GRIN2C: variants seen among roughly 807,000 people sequenced by gnomAD.
GRIN2C encodes the protein glutamate receptor ionotropic, NMDA 2C.
GRIN2C carries 64 observed loss-of-function variants against 77.7 expected under a neutral mutation model. The ratio of observed to expected loss-of-function variants is 0.82; its 90% CI spans 0.67 to 1.01. The LOEUF (loss-of-function observed/expected upper bound fraction) is 1.01, where lower values mean the gene tolerates loss of function less well. Among genes scored for constraint, GRIN2C ranks in the 50% least tolerant of loss-of-function variants. The pLI, the probability that GRIN2C is intolerant of heterozygous loss-of-function variation, is 0.00. For missense variants in GRIN2C, 1,549 were observed against 1,486.0 expected (o/e 1.04, Z -0.70); for synonymous variants, 792 against 643.4 (o/e 1.23, Z -3.49).
intron 1 of GRIN2C, among the ~76,000 whole-genome samples, chr17:74,856,489 T>C (rs2037823956): frequency 6.6e-6 from 1 of 150,528 alleles, no homozygotes; most frequent in South Asian, 2.1e-4. Context: ...CTCTTTTTTT[T>C]TTTTTTTGAG....
chr17:74,844,049 T>C (rs1448963281), intron 12 of GRIN2C: 5 of 852,362 alleles, frequency 5.9e-6, no homozygotes, highest in Non-Finnish European at 8.7e-6. Context: ...AATTCTTTTA[T>C]TTTCTGTAGA....
rs1440147980 is a variant in GRIN2C, at chr17:74,850,183, G to A, written c.1491+23C>T. ...GCAGGTGGGCAGGCAGGGCAGGTGA[G>A]GAGGGAGTGGGGTGGGGCCTACCTC... On this transcript the variant is annotated intron_variant, in intron 6 of 12. Coordinates refer to ENST00000293190, the MANE Select transcript of GRIN2C (RefSeq NM_000835.6). This position sits in a 1 kb window ranked among gnomAD's most constrained non-coding sequence, Gnocchi z 5.3. 6.2e-7 allele frequency: 1 copy of A among 1,611,706 alleles called. No individual in the cohort carries two copies. The highest frequency in any genetic ancestry group is 1.3e-5 in the African/African-American group (1 of 75,016).
At position 74,849,717 on chromosome 17, in the gene GRIN2C, G is replaced by T; in HGVS notation, c.1645+63C>A. The T allele has an allele frequency of 6.6e-7, 1 of 1,508,412 alleles. No individual in the cohort carries two copies. The highest frequency in any genetic ancestry group is 9.0e-7 in the Non-Finnish European group (1 of 1,106,178). 93.4% of individuals were successfully genotyped at this position (1,508,412 alleles called of 1,614,324 possible). ...CCAACTCCCCATCCCCACCCAAGCT[G>T]TACACACCCTCCTCGTGGGCCCCTC... On this transcript the variant is annotated intron_variant, in intron 7 of 12. Transcript: ENST00000293190. This position sits in a 1 kb window ranked among gnomAD's most constrained non-coding sequence, Gnocchi z 4.6.
Position 74,851,782 on chromosome 17 carries a change from G to A in GRIN2C, c.999-91C>T, listed in dbSNP as rs575726484. 5 of 828,946 alleles carry A rather than the reference G, an allele frequency of 6.0e-6. No individual in the cohort carries two copies. In the African/African-American group the frequency reaches 8.4e-5, roughly 14 times the overall value. The allele number at this position is 828,946 out of a possible 1,614,324, so 51.3% of individuals were successfully genotyped here. ...GCCGCCACCGACAGCAGGTGGCATT[G>A]ATTGTGTTTATTGTTCAAAGTGCTT... On this transcript the variant is annotated intron_variant, in intron 3 of 12. Transcript: ENST00000293190.
chr17:74,853,876 C>T (rs911535792), intron 2 of GRIN2C: 1 of 152,276 alleles, frequency 6.6e-6, no homozygotes, highest in Non-Finnish European at 1.5e-5. Context: ...AAGGCAGGCA[C>T]AGACCACGGC....
Position 74,847,309 on chromosome 17 carries a change from T to G in GRIN2C, c.2000A>C (p.Lys667Thr), listed in dbSNP as rs1279777508. 3 of 849,252 alleles carry G rather than the reference T, an allele frequency of 3.5e-6. No homozygotes were observed. Among genetic ancestry groups the G allele is most frequent in the Admixed American group, 2.5e-5 (1 of 40,218 alleles). 52.6% of individuals were successfully genotyped at this position (849,252 alleles called of 1,614,324 possible). A position where few individuals can be genotyped will look rare whatever the true frequency, so the allele number is the denominator to read the frequency against. ...IDTVSGLSDK[K>T]FQRPQDQYPP... The stretch of plus-strand genomic sequence containing the variant: ...CCCCAGCAGCTATGGCCCCACAACC[T>G]TCTTGTCACTGAGGCCCGACACAGT... The change falls in exon 9 of 13, where the codon AAG (lysine) becomes ACG (threonine). Residue 667 changes from lysine (K) to threonine (T), a missense_variant and splice_region_variant. Physicochemically the swap from Lys to Thr is moderately conservative, Grantham distance 78. This residue lies in a region of GRIN2C where 717 missense variants were observed against 858.1 expected (regional missense o/e 0.84). Transcript: ENST00000293190. The surrounding 1 kb of genome is among the most constrained non-coding windows in gnomAD (Gnocchi z 5.2).
Position 74,843,324 on chromosome 17 carries a change from G to C in GRIN2C, c.2813C>G (p.Pro938Arg). The C allele has an allele frequency of 2.0e-6, 3 of 1,464,938 alleles. No individual in the cohort carries two copies. The highest frequency in any genetic ancestry group is 1.4e-5 in the African/African-American group (1 of 70,332). 90.7% of individuals were successfully genotyped at this position (1,464,938 alleles called of 1,614,324 possible). ...CAGGCATGGGCTGGGGCCAGACCGCGGGGTCGGGCAGGGGGACGGTGGGGG... is the reference window on the plus strand; with the variant it reads ...CAGGCATGGGCTGGGGCCAGACCGCCGGGTCGGGCAGGGGGACGGTGGGGG... ...RAPPPSPCPT[P>R]RSGPSPCLPT... Residue 938 changes from proline (P) to arginine (R), a missense_variant, in exon 13 of 13, where the codon CCG becomes CGG. By Grantham distance (103) the Pro-to-Arg change is moderately radical (BLOSUM62 -2). This residue lies in a region of GRIN2C where 450 missense variants were observed against 267.9 expected (regional missense o/e 1.68). Transcript: ENST00000293190.
chr17:74,860,599 C>T (rs1008607055), upstream of GRIN2C: 5 of 430,768 alleles, frequency 1.2e-5, no homozygotes, highest in Admixed American at 5.0e-5. Context: ...GGCGAAGCCC[C>T]CAGAGACCGG....
In GRIN2C at chr17:74,852,519, G is replaced by T; in HGVS notation, c.492C>A (p.Ala164=). Residue 164 remains alanine (A), a synonymous_variant, in exon 3 of 13, where the codon GCC becomes GCA. Coordinates refer to ENST00000293190, the MANE Select transcript of GRIN2C (RefSeq NM_000835.6). ...FKVLEEYDWS[A]FAVITSLHPG... Reference sequence around the variant, plus strand: ...GGTGCAGGCTGGTGATGACGGCGAAGGCGCTCCAGTCGTACTCTTCCAGCA... The same window carrying T: ...GGTGCAGGCTGGTGATGACGGCGAATGCGCTCCAGTCGTACTCTTCCAGCA... 1 of 1,568,496 alleles carries T rather than the reference G, an allele frequency of 6.4e-7. No individual in the cohort carries two copies. Among genetic ancestry groups the T allele is most frequent in the East Asian group, 2.5e-5 (1 of 40,240 alleles).
chr17:74,848,082 C>T (rs1393049136), intron 7 of GRIN2C, 105 bp from the exon 8 acceptor site: 1 of 1,310,084 alleles, frequency 7.6e-7, no homozygotes, highest in East Asian at 2.4e-5. Flanking sequence ...AGTAGGGGCC[C>T]ACCAGCTCTG....
At chr17:74,851,008 C>T (rs368401074) in intron 4 of GRIN2C, 1 of 577,446 alleles carries the variant, frequency 1.7e-6, no homozygotes, top group Non-Finnish European at 3.1e-6. Flanking sequence ...GTACTGGTCC[C>T]CCCTGACTTT....
intron 11 of GRIN2C, among the ~76,000 whole-genome samples, chr17:74,845,651 C>G (rs917019701): frequency 6.6e-6 from 1 of 152,130 alleles, no homozygotes; most frequent in Non-Finnish European, 1.5e-5. Flanking sequence ...TGGGCTGGAC[C>G]ACTCACACAT....
rs1487359842 is a variant in GRIN2C, at chr17:74,850,393, A to G, written c.1326-22T>C. On this transcript the variant is annotated intron_variant, in intron 5 of 12. Transcript: ENST00000293190. The surrounding 1 kb of genome is among the most constrained non-coding windows in gnomAD (Gnocchi z 5.3). The stretch of plus-strand genomic sequence containing the variant: ...GCTGCTGCAGCCATGCCGCCATGAG[A>G]CCACCGGGAGTCAGAGTATGTCGTG... 1 of 1,605,112 alleles carries G rather than the reference A, an allele frequency of 6.2e-7. No individual in the cohort carries two copies. The highest frequency in any genetic ancestry group is 1.3e-5 in the African/African-American group (1 of 74,794).
Position 74,854,959 on chromosome 17 carries a change from TG to T in GRIN2C, c.133del (p.Gln45SerfsTer147). On this transcript the variant is annotated frameshift_variant, in exon 2 of 13. Transcript: ENST00000293190. LOFTEE classifies it high-confidence loss of function. ...VFSSSGPPQA[Q>X]FRARLTPQSF... is the part of the protein sequence containing the mutation. The stretch of plus-strand genomic sequence containing the variant: ...CTGGGGGGTGAGGCGGGCACGGAAC[TG>T]GGCCTGGGGCGGCCCTGAGCTGCTA... The T allele has an allele frequency of 6.2e-7, 1 of 1,612,470 alleles. No individual in the cohort carries two copies.
chr17:74,842,348 C>T lies in GRIN2C; in HGVS notation c.*87G>A. The T allele has an allele frequency of 1.5e-6, 1 of 678,490 alleles. No homozygotes were observed. The highest frequency in any genetic ancestry group is 2.5e-5 in the Admixed American group (1 of 40,620). 42.0% of individuals were successfully genotyped at this position (678,490 alleles called of 1,614,324 possible). On this transcript the variant is annotated 3_prime_UTR_variant, in exon 13 of 13. Transcript: ENST00000293190. ...CATGGCCAGGATTTCATGGCAGAAG[C>T]CAGAAAAGCCCAATCCTGCCTGCCG...
rs549020785 is a variant in GRIN2C, at chr17:74,847,651, G to A, written c.1772-114C>T. 2.9e-5 allele frequency: 26 copies of A among 903,824 alleles called. No individual in the cohort carries two copies. The highest frequency in any genetic ancestry group is 1.8e-4 in the African/African-American group (11 of 60,570). 56.0% of individuals were successfully genotyped at this position (903,824 alleles called of 1,614,324 possible). A position where few individuals can be genotyped will look rare whatever the true frequency, so the allele number is the denominator to read the frequency against. Reference sequence around the variant, plus strand: ...GTCTCAGCCTGGCCTTGGGGGGGACGCGTCCTGGCCATTCCCTCGCCAGGT... The same window carrying A: ...GTCTCAGCCTGGCCTTGGGGGGGACACGTCCTGGCCATTCCCTCGCCAGGT... On this transcript the variant is annotated intron_variant, in intron 8 of 12. Coordinates refer to ENST00000293190, the MANE Select transcript of GRIN2C (RefSeq NM_000835.6). The surrounding 1 kb of genome is among the most constrained non-coding windows in gnomAD (Gnocchi z 5.2).
rs2037901992 is a variant in GRIN2C at position 74,859,512 on chromosome 17, C to G, written c.-16+232G>C. Among the ~76,000 whole-genome samples the G allele has an allele frequency of 6.6e-6, 1 of 152,262 alleles. No homozygotes were observed. The highest frequency in any genetic ancestry group is 2.1e-4 in the South Asian group (1 of 4,814). On this transcript the variant is annotated intron_variant, in intron 1 of 12. Coordinates refer to ENST00000293190, the MANE Select transcript of GRIN2C (RefSeq NM_000835.6). This position sits in a 1 kb window ranked among gnomAD's most constrained non-coding sequence, Gnocchi z 5.9. ...CAGCAGAACCCCCGGACCCCCTGCC[C>G]TTCCGGTGAGCCGCCCCTCCTTTGC...
upstream of GRIN2C, chr17:74,860,798 G>T: frequency 3.0e-6 from 1 of 332,020 alleles, no homozygotes; most frequent in Non-Finnish European, 5.9e-6. Flanking sequence ...CTAGGCTGGG[G>T]CAAAGGAGAT....
upstream of GRIN2C, among the ~76,000 whole-genome samples, chr17:74,861,145 G>A (rs765636454): frequency 6.6e-6 from 1 of 152,206 alleles, no homozygotes; most frequent in Non-Finnish European, 1.5e-5. Flanking sequence ...GGGGACGAAC[G>A]TCTTGGACGC....
Sources: allele counts gnomAD v4.1 joint callset (sites outside exome capture counted in the v4.1 genomes callset), GRCh38; gene constraint gnomAD v4.1.1; regional missense constraint gnomAD v4.1.1; non-coding constraint Gnocchi (gnomAD v3.1); transcripts MANE v1.5; gene names NCBI Gene and HGNC (gene_info 2026-07-23, HGNC 2026-07-21).